TLK2: variants seen among roughly 807,000 people sequenced by gnomAD.
TLK2 encodes the protein serine/threonine-protein kinase tousled-like 2.
Under a neutral mutation model 117.3 loss-of-function variants are expected in TLK2, and 6 were observed. That is an observed-to-expected ratio of 0.05 (90% CI 0.03 to 0.10). TLK2 has a LOEUF of 0.10. Ranked by LOEUF, TLK2 falls within the 10% of genes least tolerant of loss-of-function variation. TLK2 has a pLI of 1.00. For missense variants in TLK2, 299 were observed against 901.2 expected, an observed-to-expected ratio of 0.33 and a Z score of 8.56; for synonymous variants, 257 against 316.7, an observed-to-expected ratio of 0.81 and a Z score of 2.00.
intron 15 of TLK2, among the ~76,000 whole-genome samples, chr17:62,582,499 A>G (rs1377480793): frequency 6.6e-6 from 1 of 152,144 alleles, no homozygotes. Flanking sequence ...TTTCCTAAGA[A>G]TCAACTTTTT....
rs1050173585 is a variant in TLK2 at position 62,498,377 on chromosome 17, G to T, written c.81+17171G>T. On this transcript the variant is annotated intron_variant, in intron 2 of 21. Coordinates refer to ENST00000346027, the MANE Select transcript of TLK2 (RefSeq NM_006852.6). ...TAACTTAAACATAGTTGATAGTGTCGTAGAAAGCCCCCCTTTTTTTTTTTT... is the reference window on the plus strand; with the variant it reads ...TAACTTAAACATAGTTGATAGTGTCTTAGAAAGCCCCCCTTTTTTTTTTTT... 3.4e-5 allele frequency among the ~76,000 whole-genome samples: 5 copies of T among 147,232 alleles called. No homozygotes were observed. The South Asian group carries it at 1.1e-3, about 32-fold the overall frequency.
chr17:62,524,874 T>C (rs1861676760), intron 6 of TLK2, among the ~76,000 whole-genome samples: 1 of 152,190 alleles, frequency 6.6e-6, no homozygotes, highest in Non-Finnish European at 1.5e-5. Flanking sequence ...GGAGTCATTA[T>C]TGGTTGTCAC....
intron 16 of TLK2, among the ~76,000 whole-genome samples, chr17:62,594,082 C>T (rs983802406): frequency 3.3e-5 from 5 of 151,732 alleles, no homozygotes; most frequent in Non-Finnish European, 7.4e-5. Context: ...CGTTAGCCAC[C>T]GCCCCTGCTC....
At chr17:62,478,238 C>T (rs1412460335), upstream of TLK2, among the ~76,000 whole-genome samples, 3 of 151,722 alleles carry the variant, frequency 2.0e-5, no homozygotes, top group African/African-American at 7.2e-5. Context: ...GGGTCCGCCG[C>T]TCACACATAG....
chr17:62,609,843 C>T (rs970252086), intron 21 of TLK2, among the ~76,000 whole-genome samples: 2 of 152,190 alleles, frequency 1.3e-5, no homozygotes, highest in Non-Finnish European at 2.9e-5. Context: ...CTAGGTGCAG[C>T]GCTGTGCACC....
upstream of TLK2, among the ~76,000 whole-genome samples, chr17:62,476,108 T>C (rs1449437128): frequency 6.6e-6 from 1 of 152,110 alleles, no homozygotes; most frequent in Non-Finnish European, 1.5e-5. Flanking sequence ...ACCTCCCAAG[T>C]AGCTGAAAGT....
intron 6 of TLK2, 109 bp from the exon 7 acceptor site, chr17:62,536,061 A>G (rs1206008729): frequency 1.5e-6 from 2 of 1,316,944 alleles, no homozygotes. Context: ...GGCCTTTTTA[A>G]ATAAACCATT....
chr17:62,571,123 G>A (rs2080254027), intron 11 of TLK2, among the ~76,000 whole-genome samples: 1 of 152,082 alleles, frequency 6.6e-6, no homozygotes. Flanking sequence ...TTTACTTAAG[G>A]ATTCTGTGTC....
chr17:62,516,508 G>C, intron 2 of TLK2: 3 of 1,607,316 alleles, frequency 1.9e-6, no homozygotes, highest in Non-Finnish European at 2.5e-6. Context: ...CACAATCTCC[G>C]GGGGCAGATG....
Position 62,578,582 on chromosome 17 carries a change from A to T in TLK2, c.1286+8A>T. ...TAATGAAGATAATTCACAGTAAGCT[A>T]CTTCAGGGCATATTGGGTTGGAGAT... On this transcript the variant is annotated splice_region_variant and intron_variant, in intron 14 of 21. Transcript: ENST00000346027. 6.2e-7 allele frequency: 1 copy of T among 1,601,588 alleles called. No homozygotes were observed. The highest frequency in any genetic ancestry group is 1.7e-5 in the Admixed American group (1 of 59,958).
upstream of TLK2, among the ~76,000 whole-genome samples, chr17:62,475,817 G>T (rs1239132332): frequency 6.7e-6 from 1 of 148,652 alleles, no homozygotes; most frequent in Admixed American, 6.8e-5. Flanking sequence ...CCGCCACCAC[G>T]CCTGGCTAAT....
intron 6 of TLK2, among the ~76,000 whole-genome samples, chr17:62,525,132 A>T (rs1157656268): frequency 6.6e-6 from 1 of 152,186 alleles, no homozygotes; most frequent in Non-Finnish European, 1.5e-5. Context: ...TCTATCCCCT[A>T]ATACCTTAGG....
rs771317307 is a variant in TLK2, at chr17:62,612,599, C to T, written c.*34C>T. 6.4e-7 allele frequency: 1 copy of T among 1,572,046 alleles called. No individual in the cohort carries two copies. On this transcript the variant is annotated 3_prime_UTR_variant, in exon 22 of 22. Transcript: ENST00000346027. ...CCAAGGCCACAAACTGTTCAACACACACAAAGTGGACAAATGGCGTTCAGC... is the reference window on the plus strand; with the variant it reads ...CCAAGGCCACAAACTGTTCAACACATACAAAGTGGACAAATGGCGTTCAGC...
chr17:62,578,555 C>T lies in TLK2; in HGVS notation c.1267C>T (p.His423Tyr). The T allele has an allele frequency of 1.2e-6, 2 of 1,613,424 alleles. No individual in the cohort carries two copies. The highest frequency in any genetic ancestry group is 2.2e-5 in the South Asian group (2 of 91,076). Reference sequence around the variant, plus strand: ...ACATATCAGGGAACTAAAAAGGATACATAATGAAGATAATTCACAGTAAGC... The same window carrying T: ...ACATATCAGGGAACTAAAAAGGATATATAATGAAGATAATTCACAGTAAGC... ...NLHIRELKRI[H>Y]NEDNSQFKDH... Residue 423 changes from histidine (H) to tyrosine (Y), a missense_variant, in exon 14 of 22, where the codon CAT becomes TAT. His to Tyr is a moderately conservative substitution (Grantham distance 83). Around this residue, in one of 4 missense-constraint regions of TLK2, gnomAD observed 81 missense variants for 370.9 expected, o/e 0.22. Transcript: ENST00000346027.
intron 7 of TLK2, among the ~76,000 whole-genome samples, chr17:62,536,871 G>A (rs1308150412): frequency 1.3e-5 from 2 of 152,136 alleles, no homozygotes; most frequent in Non-Finnish European, 1.5e-5. Flanking sequence ...CTACCTGTTC[G>A]CTCCTTTCAG....
chr17:62,526,020 T>C (rs1262948018), intron 6 of TLK2, among the ~76,000 whole-genome samples: 1 of 152,232 alleles, frequency 6.6e-6, no homozygotes, highest in Non-Finnish European at 1.5e-5. Context: ...ACCACCCATC[T>C]CTCATGTGTC....
chr17:62,553,442 A>G (rs2078626096), intron 8 of TLK2: 3 of 499,732 alleles, frequency 6.0e-6, no homozygotes, highest in Non-Finnish European at 1.1e-5. Context: ...CAGAATTAAC[A>G]TGTGTTTGAA....
chr17:62,556,926 T>G (rs1343751650), intron 9 of TLK2, among the ~76,000 whole-genome samples: 1 of 152,240 alleles, frequency 6.6e-6, no homozygotes, highest in Non-Finnish European at 1.5e-5. Context: ...TTGATTTTAT[T>G]GTTTACATTT....
chr17:62,503,290 C>T (rs2074374396), intron 2 of TLK2, among the ~76,000 whole-genome samples: 1 of 151,992 alleles, frequency 6.6e-6, no homozygotes, highest in Non-Finnish European at 1.5e-5. Flanking sequence ...GATCTCCTGA[C>T]CCTGTGATCC....
Sources: gnomAD v4.1 joint callset for allele counts (sites outside exome capture counted in the v4.1 genomes callset) on GRCh38, gnomAD v4.1.1 for gene constraint, gnomAD v4.1.1 regional missense constraint, MANE v1.5 for transcripts, NCBI Gene and HGNC (gene_info 2026-07-23, HGNC 2026-07-21) for gene names.